Variants in KCNB2 observed in about 807,000 individuals in gnomAD.
The protein encoded by KCNB2 is potassium voltage-gated channel subfamily B member 2, also known as delayed rectifier potassium channel protein.
A neutral mutation model predicts 61.5 loss-of-function variants in KCNB2; 15 were observed. The observed-to-expected ratio is 0.24, with a 90% confidence interval of 0.16 to 0.38. The LOEUF (loss-of-function observed/expected upper bound fraction) is 0.38, where lower values mean the gene tolerates loss of function less well. KCNB2 is among the 10% of genes least tolerant of loss of function. The pLI is 1.00. For missense variants in KCNB2, 828 were observed against 1,125.2 expected (o/e 0.74, Z 3.78); for synonymous variants, 457 against 446.0 (o/e 1.02, Z -0.31).
intron 2 of KCNB2, among the ~76,000 whole-genome samples, chr8:72,594,978 A>G (rs969876901): frequency 3.3e-5 from 5 of 152,216 alleles, no homozygotes; most frequent in Non-Finnish European, 5.9e-5. Flanking sequence ...GTACAAGAAC[A>G]AAAGGCTCAG....
intron 2 of KCNB2, among the ~76,000 whole-genome samples, chr8:72,687,941 T>A (rs956007425): frequency 6.6e-6 from 1 of 152,116 alleles, no homozygotes; most frequent in Non-Finnish European, 1.5e-5. Context: ...CTGGAGAAGT[T>A]TGGGCTATGG....
chr8:72,631,785 G>C (rs1207695422), intron 2 of KCNB2, among the ~76,000 whole-genome samples: 1 of 152,182 alleles, frequency 6.6e-6, no homozygotes, highest in African/African-American at 2.4e-5. Flanking sequence ...TTCCTACTGA[G>C]TTGATTTCCA....
intron 2 of KCNB2, among the ~76,000 whole-genome samples, chr8:72,590,394 A>G (rs1585770426): frequency 6.6e-6 from 1 of 152,188 alleles, no homozygotes; most frequent in East Asian, 1.9e-4. Context: ...AGAACATTGG[A>G]ATCAAAAAGG....
At chr8:72,692,720 C>T (rs1366033795) in intron 2 of KCNB2, among the ~76,000 whole-genome samples, 1 of 150,754 alleles carries the variant, frequency 6.6e-6, no homozygotes, top group African/African-American at 2.4e-5. Flanking sequence ...GGTTTTAATT[C>T]CTAATTTGGC....
intron 2 of KCNB2, among the ~76,000 whole-genome samples, chr8:72,871,234 C>A (rs912387936): frequency 2.4e-4 from 37 of 152,144 alleles, no homozygotes; most frequent in Middle Eastern, 3.4e-3. Flanking sequence ...GAATTATTAC[C>A]AAAGAAATTG....
chr8:72,930,190 A>AGT (rs1806749840), intron 2 of KCNB2, among the ~76,000 whole-genome samples: 1 of 151,494 alleles, frequency 6.6e-6, no homozygotes, highest in African/African-American at 2.4e-5. Context: ...TTCTTAATCT[A>AGT]GTCTATCATT....
intron 2 of KCNB2, among the ~76,000 whole-genome samples, chr8:72,633,245 G>A (rs980992459): frequency 6.6e-6 from 1 of 152,054 alleles, no homozygotes; most frequent in South Asian, 2.1e-4. Flanking sequence ...AAAGCTACAT[G>A]ACTCCTGCTC....
chr8:72,789,113 A>G (rs993745788), intron 2 of KCNB2, among the ~76,000 whole-genome samples: 1 of 152,248 alleles, frequency 6.6e-6, no homozygotes. Flanking sequence ...AGCCAGAAAC[A>G]TAGTACACAG....
At chr8:72,761,928 A>T (rs1239124650) in intron 2 of KCNB2, among the ~76,000 whole-genome samples, 1 of 152,090 alleles carries the variant, frequency 6.6e-6, no homozygotes, top group Non-Finnish European at 1.5e-5. Flanking sequence ...TAGCCTATAG[A>T]CTCTATAGTA....
intron 2 of KCNB2, among the ~76,000 whole-genome samples, chr8:72,736,724 G>A (rs1807852620): frequency 6.6e-6 from 1 of 152,048 alleles, no homozygotes; most frequent in African/African-American, 2.4e-5. Context: ...AACTGAAATT[G>A]AAATAAAGGT....
chr8:72,558,716 G>C (rs980150380), intron 1 of KCNB2, among the ~76,000 whole-genome samples: 1 of 152,256 alleles, frequency 6.6e-6, no homozygotes. Flanking sequence ...TGCCCTCCAG[G>C]AACTTAGAAT....
intron 2 of KCNB2, among the ~76,000 whole-genome samples, chr8:72,578,656 T>C (rs1398886405): frequency 2.0e-5 from 3 of 152,204 alleles, no homozygotes; most frequent in African/African-American, 7.2e-5. Flanking sequence ...TTAAAAATAG[T>C]TTTATATACA....
chr8:72,865,628 C>T (rs13264816), intron 2 of KCNB2, among the ~76,000 whole-genome samples: 24,129 of 152,120 alleles, frequency 0.16, 2,549 homozygotes, highest in Non-Finnish European at 0.24. Context: ...AAGAGCCATT[C>T]GCAGAACTCC....
At chr8:72,596,436 A>G (rs1026660692) in intron 2 of KCNB2, among the ~76,000 whole-genome samples, 5 of 152,204 alleles carry the variant, frequency 3.3e-5, no homozygotes, top group African/African-American at 9.6e-5. Context: ...TTGTCTCCAC[A>G]TATGATAAAT....
At chr8:72,617,990 C>A (rs181827120) in intron 2 of KCNB2, among the ~76,000 whole-genome samples, 5 of 152,288 alleles carry the variant, frequency 3.3e-5, no homozygotes, top group African/African-American at 1.2e-4. Context: ...TTGGCAATGA[C>A]ATCTGGAGTC....
intron 2 of KCNB2, 88 bp downstream of exon 2, chr8:72,568,401 G>T: frequency 8.7e-7 from 1 of 1,148,568 alleles, no homozygotes; most frequent in Non-Finnish European, 1.2e-6. Flanking sequence ...TTACTGTTTT[G>T]GTAACACAGA....
intron 2 of KCNB2, among the ~76,000 whole-genome samples, chr8:72,843,686 T>C (rs1028244845): frequency 1.3e-5 from 2 of 152,232 alleles, no homozygotes; most frequent in African/African-American, 4.8e-5. Context: ...TTTACCATTA[T>C]ATAATGCCCT....
At chr8:72,841,468 A>G (rs1809886482) in intron 2 of KCNB2, among the ~76,000 whole-genome samples, 3 of 147,798 alleles carry the variant, frequency 2.0e-5, no homozygotes, top group Non-Finnish European at 4.4e-5. Flanking sequence ...AATTCTCTGA[A>G]GAAGGTCAAT....
chr8:72,764,026 A>G (rs1247007224), intron 2 of KCNB2, among the ~76,000 whole-genome samples: 3 of 152,138 alleles, frequency 2.0e-5, no homozygotes, highest in Non-Finnish European at 2.9e-5. Flanking sequence ...CAGGAGTCCC[A>G]TAGTCCCACA....
Sources: allele counts gnomAD v4.1 joint callset (sites outside exome capture counted in the v4.1 genomes callset), GRCh38; gene constraint gnomAD v4.1.1; transcripts MANE v1.5; gene names NCBI Gene and HGNC (gene_info 2026-07-23, HGNC 2026-07-21).